ZNF462: variants seen among roughly 807,000 people sequenced by gnomAD.
ZNF462 encodes the protein zinc finger PBX1-interacting protein.
Under a neutral mutation model 201.9 loss-of-function variants are expected in ZNF462, and 10 were observed. The observed-to-expected ratio is 0.05, with a 90% CI of 0.03 to 0.08. The LOEUF (loss-of-function observed/expected upper bound fraction) is 0.08. Ranked by LOEUF, ZNF462 falls within the 10% of genes least tolerant of loss-of-function variation. The pLI, the probability that ZNF462 is intolerant of heterozygous loss-of-function variation, is 1.00. For missense variants in ZNF462, 2,523 were observed against 3,168.3 expected (o/e 0.80, Z 4.89); for synonymous variants, 1,227 against 1,193.3 (o/e 1.03, Z -0.58).
Position 107,003,263 on chromosome 9 carries a change from T to C in ZNF462, c.7057-31T>C. ...AGAACCCCATTTGGTCTGCGGTTTA[T>C]TATTCCATCATTTGTTTGGGCCTTT... On this transcript the variant is annotated intron_variant, in intron 10 of 12. Coordinates refer to ENST00000277225, the MANE Select transcript of ZNF462 (RefSeq NM_021224.6). This position sits in a 1 kb window ranked among gnomAD's most constrained non-coding sequence, Gnocchi z 4.4. 3 of 1,612,444 alleles carry C rather than the reference T, an allele frequency of 1.9e-6. No individual in the cohort carries two copies. In the South Asian group the frequency reaches 3.3e-5, roughly 18 times the overall value.
At chr9:106,873,768 C>T (rs1458618257) in intron 1 of ZNF462, among the ~76,000 whole-genome samples, 10 of 152,164 alleles carry the variant, frequency 6.6e-5, no homozygotes, top group Admixed American at 6.5e-4. Context: ...TAGAGTGACA[C>T]ACTGTGCTAA....
intron 9 of ZNF462, among the ~76,000 whole-genome samples, chr9:106,983,713 A>G (rs1827616757): frequency 2.0e-5 from 3 of 152,184 alleles, no homozygotes; most frequent in African/African-American, 7.2e-5. Context: ...AAAGTTGCTG[A>G]TAGAAAGGTA....
chr9:107,009,402 G>C lies in ZNF462; in HGVS notation c.7190-143G>C. ...GGAATGCCCTAAGGGGGAAACCTAA[G>C]AAAAAGTGAGGAATCTGGAAATTGC... On this transcript the variant is annotated intron_variant, in intron 11 of 12. Coordinates refer to ENST00000277225, the MANE Select transcript of ZNF462 (RefSeq NM_021224.6). This position sits in a 1 kb window ranked among gnomAD's most constrained non-coding sequence, Gnocchi z 6.1. The C allele has an allele frequency of 8.5e-7, 1 of 1,178,374 alleles. No individual in the cohort carries two copies. Among genetic ancestry groups the C allele is most frequent in the Non-Finnish European group, 1.2e-6 (1 of 848,846 alleles). The allele number at this position is 1,178,374 out of a possible 1,614,324, so 73.0% of individuals were successfully genotyped here.
chr9:106,908,525 T>C (rs1829368458), intron 1 of ZNF462, among the ~76,000 whole-genome samples: 1 of 152,082 alleles, frequency 6.6e-6, no homozygotes, highest in Non-Finnish European at 1.5e-5. Flanking sequence ...TTCAAACTTT[T>C]TGTATCATTT....
chr9:106,942,028 C>T (rs1830895013), intron 7 of ZNF462, among the ~76,000 whole-genome samples: 1 of 152,184 alleles, frequency 6.6e-6, no homozygotes, highest in Admixed American at 6.5e-5. Flanking sequence ...GTTAAGGTTT[C>T]CCACACTGCA....
chr9:106,924,742 G>T lies in ZNF462; in HGVS notation c.830G>T (p.Arg277Ile). The part of the protein sequence containing the change: ...RSMVKILSSL[R>I]QQQEGTNLPD... Reference sequence around the variant, plus strand: ...ATGGTCAAGATCCTTTCCAGTCTCAGACAGCAACAAGAAGGAACTAATCTA... The same window carrying T: ...ATGGTCAAGATCCTTTCCAGTCTCATACAGCAACAAGAAGGAACTAATCTA... Residue 277 changes from arginine to isoleucine, a missense_variant, in exon 3 of 13, where the codon AGA becomes ATA. Physicochemically the swap from Arg to Ile is moderately conservative, Grantham distance 97. This residue lies in a region of ZNF462 where 480 missense variants were observed against 544.4 expected (regional missense o/e 0.88). Coordinates refer to ENST00000277225, the MANE Select transcript of ZNF462 (RefSeq NM_021224.6). The surrounding 1 kb of genome is among the most constrained non-coding windows in gnomAD (Gnocchi z 6.2). 6.2e-7 allele frequency: 1 copy of T among 1,614,054 alleles called. No individual in the cohort carries two copies. The highest frequency in any genetic ancestry group is 8.5e-7 in the Non-Finnish European group (1 of 1,180,014).
intron 1 of ZNF462, among the ~76,000 whole-genome samples, chr9:106,878,427 G>A (rs930734950): frequency 6.6e-6 from 1 of 152,122 alleles, no homozygotes; most frequent in Non-Finnish European, 1.5e-5. Flanking sequence ...TGATAGAGTT[G>A]GAAATAATTT....
intron 10 of ZNF462, among the ~76,000 whole-genome samples, chr9:106,992,081 CA>C (rs1828327536): frequency 6.6e-6 from 1 of 151,702 alleles, no homozygotes; most frequent in Non-Finnish European, 1.5e-5. Flanking sequence ...CAAATATTTG[CA>C]AAGTAATTAT....
chr9:106,862,270 G>GT (rs1286265197), upstream of ZNF462, among the ~76,000 whole-genome samples: 9 of 152,178 alleles, frequency 5.9e-5, no homozygotes, highest in Non-Finnish European at 1.0e-4. This position sits in a 1 kb window ranked among gnomAD's most constrained non-coding sequence, Gnocchi z 4.2. Flanking sequence ...AGTTCCCCAC[G>GT]TATGTTCTTT....
At chr9:106,908,941 A>G (rs13302321) in intron 1 of ZNF462, among the ~76,000 whole-genome samples, 4 of 25,336 alleles carry the variant, frequency 1.6e-4, no homozygotes, top group African/African-American at 7.2e-4. Context: ...ATATATATAT[A>G]TTTTTTTTTT....
Position 107,003,735 on chromosome 9 carries a change from G to A in ZNF462, c.7189+309G>A, listed in dbSNP as rs571354707. On this transcript the variant is annotated intron_variant, in intron 11 of 12. Coordinates refer to ENST00000277225, the MANE Select transcript of ZNF462 (RefSeq NM_021224.6). This position sits in a 1 kb window ranked among gnomAD's most constrained non-coding sequence, Gnocchi z 4.4. Reference sequence around the variant, plus strand: ...TAGGGAATCTTCAGAATAAGGACAAGCAGACAGCAAGATGGATGACACTGT... The same window carrying A: ...TAGGGAATCTTCAGAATAAGGACAAACAGACAGCAAGATGGATGACACTGT... 1.3e-5 allele frequency among the ~76,000 whole-genome samples: 2 copies of A among 152,234 alleles called. No individual in the cohort carries two copies. Among genetic ancestry groups the A allele is most frequent in the African/African-American group, 4.8e-5 (2 of 41,528 alleles).
intron 7 of ZNF462, among the ~76,000 whole-genome samples, chr9:106,958,537 A>G (rs1019544400): frequency 1.3e-5 from 2 of 151,892 alleles, no homozygotes; most frequent in African/African-American, 4.8e-5. Flanking sequence ...TTGTAGATCT[A>G]TAGTGGGAAG....
intron 1 of ZNF462, among the ~76,000 whole-genome samples, chr9:106,922,033 A>G (rs1425340672): frequency 2.0e-5 from 3 of 152,234 alleles, no homozygotes; most frequent in Non-Finnish European, 4.4e-5. Flanking sequence ...CAGGAGGAGC[A>G]TTCTTTGATA....
Position 106,880,467 on chromosome 9 carries a change from C to T in ZNF462, c.-31+17112C>T, listed in dbSNP as rs1828041900. ...GGGCTGCATTAAACCAGTGAGAAGTCCAAGGCTCCATTTCATCCCGTGTAA... is the reference window on the plus strand; with the variant it reads ...GGGCTGCATTAAACCAGTGAGAAGTTCAAGGCTCCATTTCATCCCGTGTAA... On this transcript the variant is annotated intron_variant, in intron 1 of 12. Transcript: ENST00000277225. This position sits in a 1 kb window ranked among gnomAD's most constrained non-coding sequence, Gnocchi z 4.1. Among the ~76,000 whole-genome samples, 1 of 152,200 alleles carries T rather than the reference C, an allele frequency of 6.6e-6. No homozygotes were observed. The highest frequency in any genetic ancestry group is 2.4e-5 in the African/African-American group (1 of 41,446).
Position 106,927,582 on chromosome 9 carries a change from G to A in ZNF462, c.3670G>A (p.Asp1224Asn), listed in dbSNP as rs917513520. Reference protein sequence around the residue: ...KKHRDFKANADVIRQHTATIR... With the variant: ...KKHRDFKANANVIRQHTATIR... ...GCACCGAGACTTCAAGGCCAATGCA[G>A]ATGTGATCCGGCAGCATACGGCCAC... Residue 1224 changes from aspartate (D) to asparagine (N), a missense_variant, in exon 3 of 13, where the codon GAT (aspartate) becomes AAT (asparagine). By Grantham distance (23) the Asp-to-Asn change is conservative. Transcript: ENST00000277225. The A allele has an allele frequency of 5.0e-6, 8 of 1,613,758 alleles. No homozygotes were observed. In the Admixed American group the frequency reaches 1.0e-4, roughly 20 times the overall value.
Position 107,010,757 on chromosome 9 carries a change from T to G in ZNF462, c.7314-66T>G. ...AAAGACACTCGAGGGTTTTTATTAT[T>G]TTTTTGTTTAAAAAGAGAAATATAT... On this transcript the variant is annotated intron_variant, in intron 12 of 12. Coordinates refer to ENST00000277225, the MANE Select transcript of ZNF462 (RefSeq NM_021224.6). The surrounding 1 kb of genome is among the most constrained non-coding windows in gnomAD (Gnocchi z 4.6). The G allele has an allele frequency of 7.1e-7, 1 of 1,417,774 alleles. No homozygotes were observed. Among genetic ancestry groups the G allele is most frequent in the Non-Finnish European group, 9.4e-7 (1 of 1,062,264 alleles). 87.8% of individuals were successfully genotyped at this position (1,417,774 alleles called of 1,614,324 possible).
At chr9:106,969,142 G>T (rs2132003684) in intron 7 of ZNF462, among the ~76,000 whole-genome samples, 1 of 152,192 alleles carries the variant, frequency 6.6e-6, no homozygotes, top group East Asian at 1.9e-4. Flanking sequence ...CCAAAAAGTT[G>T]TAACCTGGGC....
In ZNF462 at chr9:106,930,727, G is replaced by A; in HGVS notation, c.6012+38G>A. 1.2e-6 allele frequency: 2 copies of A among 1,608,738 alleles called. No homozygotes were observed. Among genetic ancestry groups the A allele is most frequent in the Non-Finnish European group, 1.7e-6 (2 of 1,176,536 alleles). The stretch of plus-strand genomic sequence containing the variant: ...AGGTCTGGATGAGCATTGTGTGTGA[G>A]CGATTCGAGTTACTTATTAACCCCA... On this transcript the variant is annotated intron_variant, in intron 4 of 12. Coordinates refer to ENST00000277225, the MANE Select transcript of ZNF462 (RefSeq NM_021224.6). The surrounding 1 kb of genome is among the most constrained non-coding windows in gnomAD (Gnocchi z 5.8).
rs79795326 is a variant in ZNF462, at chr9:106,962,026, T to C, written c.6428-9979T>C. Among the ~76,000 whole-genome samples, 358 of 152,008 alleles carry C rather than the reference T, an allele frequency of 2.4e-3. 3 individuals carry two copies. Among genetic ancestry groups the C allele is most frequent in the African/African-American group, 8.5e-3 (353 of 41,474 alleles). On this transcript the variant is annotated intron_variant, in intron 7 of 12. Transcript: ENST00000277225. The surrounding 1 kb of genome is among the most constrained non-coding windows in gnomAD (Gnocchi z 4.6). Reference sequence around the variant, plus strand: ...GGGAGTGAGGATCGGCCTGGAAAGATGAAGGAGAGTGTGAGCCCCATGGTT... The same window carrying C: ...GGGAGTGAGGATCGGCCTGGAAAGACGAAGGAGAGTGTGAGCCCCATGGTT...
Sources: gnomAD v4.1 joint callset for allele counts (sites outside exome capture counted in the v4.1 genomes callset) on GRCh38, gnomAD v4.1.1 for gene constraint, gnomAD v4.1.1 regional missense constraint, Gnocchi (gnomAD v3.1) non-coding constraint, MANE v1.5 for transcripts, NCBI Gene and HGNC (gene_info 2026-07-23, HGNC 2026-07-21) for gene names.